The following HTR2B variants were observed in gnomAD, a reference collection of about 807,000 sequenced individuals.
HTR2B encodes 5-HT 2B receptor.
A neutral mutation model predicts 39.8 loss-of-function variants in HTR2B; 31 were observed. That is an observed-to-expected ratio of 0.78 (90% CI 0.58 to 1.05). HTR2B has a LOEUF of 1.05. Ranked by LOEUF, HTR2B falls within the 50% of genes least tolerant of loss-of-function variation. The pLI is 0.00. For synonymous variants in HTR2B, 210 were observed against 207.1 expected (o/e 1.01, Z -0.12); for missense variants, 562 against 578.0 (o/e 0.97, Z 0.28).
At chr2:231,114,573 A>C (rs975065218) in intron 2 of HTR2B, among the ~76,000 whole-genome samples, 4 of 152,188 alleles carry the variant, frequency 2.6e-5, no homozygotes, top group Admixed American at 6.5e-5. Context: ...TTCATCATTC[A>C]CTCCAAAAAC....
chr2:231,115,294 G>A (rs931566663), intron 2 of HTR2B, among the ~76,000 whole-genome samples: 1 of 152,032 alleles, frequency 6.6e-6, no homozygotes, highest in Admixed American at 6.6e-5. Context: ...TAGGATTTCA[G>A]TGAAAAATAT....
rs376620755 is a variant in HTR2B at position 231,108,751 on chromosome 2, T to G, written c.1212A>C (p.Ser404=). Reference sequence around the variant, plus strand: ...TGGAGCGTTTTCTGAGAGTTTTTACTGACTTTGTGGCCCGGTAATTGCAGG... The same window carrying G: ...TGGAGCGTTTTCTGAGAGTTTTTACGGACTTTGTGGCCCGGTAATTGCAGG... ...YITCNYRATK[S]VKTLRKRSSK... is the part of the protein sequence containing the mutation. Residue 404 remains serine, a synonymous_variant, in exon 4 of 4, where the codon TCA becomes TCC. Coordinates refer to ENST00000258400, the MANE Select transcript of HTR2B (RefSeq NM_000867.5). The G allele has an allele frequency of 1.1e-4, 178 of 1,614,060 alleles. No homozygotes were observed. The highest frequency in any genetic ancestry group is 1.5e-4 in the Non-Finnish European group (175 of 1,180,022).
At position 231,108,251 on chromosome 2, in the gene HTR2B, T is replaced by C; in HGVS notation, c.*266A>G. 2.9e-6 allele frequency: 1 copy of C among 344,278 alleles called. No homozygotes were observed. Among genetic ancestry groups the C allele is most frequent in the East Asian group, 5.8e-5 (1 of 17,354 alleles). 21.3% of individuals were successfully genotyped at this position (344,278 alleles called of 1,614,324 possible). A position where few individuals can be genotyped will look rare whatever the true frequency, so the allele number is the denominator to read the frequency against. On this transcript the variant is annotated 3_prime_UTR_variant, in exon 4 of 4. Transcript: ENST00000258400. ...GTGGTTCTTTTTAAAGCCTGAAATT[T>C]ATTGATTTGACTTTATTTCATTCGA...
At position 231,123,808 on chromosome 2, in the gene HTR2B, G is replaced by A; in HGVS notation, c.-44C>T. On this transcript the variant is annotated 5_prime_UTR_variant, in exon 2 of 4. Transcript: ENST00000258400. ...TCAATCCCGTTCCGAACAGTGGTCA[G>A]CATGGTTAGTAGCTAAGCTGCTCAT... 7.1e-7 allele frequency: 1 copy of A among 1,416,870 alleles called. No individual in the cohort carries two copies. The highest frequency in any genetic ancestry group is 1.0e-6 in the Non-Finnish European group (1 of 1,000,826). The allele number at this position is 1,416,870 out of a possible 1,614,324, so 87.8% of individuals were successfully genotyped here. A position where few individuals can be genotyped will look rare whatever the true frequency, so the allele number is the denominator to read the frequency against.
At chr2:231,117,903 A>C (rs1235125065) in intron 2 of HTR2B, among the ~76,000 whole-genome samples, 1 of 152,156 alleles carries the variant, frequency 6.6e-6, no homozygotes, top group African/African-American at 2.4e-5. Flanking sequence ...GAACAGTTAC[A>C]TGGGGTTATT....
Position 231,123,804 on chromosome 2 carries a change from G to C in HTR2B, c.-40C>G, listed in dbSNP as rs750697085. The C allele has an allele frequency of 2.1e-6, 3 of 1,443,502 alleles. No individual in the cohort carries two copies. The African/African-American group carries it at 4.2e-5, about 20-fold the overall frequency. 89.4% of individuals were successfully genotyped at this position (1,443,502 alleles called of 1,614,324 possible). A position where few individuals can be genotyped will look rare whatever the true frequency, so the allele number is the denominator to read the frequency against. On this transcript the variant is annotated 5_prime_UTR_variant, in exon 2 of 4. Transcript: ENST00000258400. The stretch of plus-strand genomic sequence containing the variant: ...TGATTCAATCCCGTTCCGAACAGTG[G>C]TCAGCATGGTTAGTAGCTAAGCTGC...
intron 2 of HTR2B, among the ~76,000 whole-genome samples, chr2:231,121,951 G>A (rs1695557963): frequency 6.6e-6 from 1 of 151,234 alleles, no homozygotes; most frequent in South Asian, 2.1e-4. Flanking sequence ...GGAGATGAGA[G>A]CTAGAATCAT....
chr2:231,117,636 A>G (rs940016230), intron 2 of HTR2B, among the ~76,000 whole-genome samples: 1 of 152,136 alleles, frequency 6.6e-6, no homozygotes, highest in African/African-American at 2.4e-5. Context: ...TCTGCCATGC[A>G]TGAGGGATGG....
At position 231,120,760 on chromosome 2, in the gene HTR2B, T is replaced by C. The variant is rs571664726; in HGVS notation, c.352+2653A>G. Among the ~76,000 whole-genome samples, 20 of 152,356 alleles carry C rather than the reference T, an allele frequency of 1.3e-4. 1 individual carries two copies. The South Asian group carries it at 4.1e-3, about 32-fold the overall frequency. On this transcript the variant is annotated intron_variant, in intron 2 of 3. Coordinates refer to ENST00000258400, the MANE Select transcript of HTR2B (RefSeq NM_000867.5). Reference sequence around the variant, plus strand: ...TTTCATTGAATTCCCCTGCGATAGCTAAAATTATTGCTCATAGTGATAGTT... The same window carrying C: ...TTTCATTGAATTCCCCTGCGATAGCCAAAATTATTGCTCATAGTGATAGTT...
intron 2 of HTR2B, among the ~76,000 whole-genome samples, chr2:231,117,151 G>A (rs1380832659): frequency 6.6e-6 from 1 of 151,898 alleles, no homozygotes; most frequent in African/African-American, 2.4e-5. Flanking sequence ...GTTTATTTCT[G>A]TTTAGAATAA....
At chr2:231,122,770 A>G (rs183311876) in intron 2 of HTR2B, among the ~76,000 whole-genome samples, 15 of 152,290 alleles carry the variant, frequency 9.8e-5, no homozygotes, top group Non-Finnish European at 2.1e-4. Context: ...CCTATCAGGA[A>G]CACAGATGCC....
intron 3 of HTR2B, among the ~76,000 whole-genome samples, chr2:231,111,412 A>G (rs1034345927): frequency 2.0e-5 from 3 of 152,144 alleles, no homozygotes; most frequent in African/African-American, 7.2e-5. Flanking sequence ...CAGTTTTTAC[A>G]TTCTGTTAAT....
In HTR2B at chr2:231,109,192, T is replaced by C. The variant is rs766497659; in HGVS notation, c.771A>G (p.Gln257=). ...TAGACACAGTCAACCATGTTAGGCG[T>C]TGAGGTGGCTTGTTTTTGACTAAGT... ...KAYLVKNKPP[Q]RLTWLTVSTV... is the part of the protein sequence containing the mutation. Residue 257 remains glutamine, a synonymous_variant, in exon 4 of 4, where the codon CAA becomes CAG. Transcript: ENST00000258400. The C allele has an allele frequency of 3.7e-6, 6 of 1,614,136 alleles. No individual in the cohort carries two copies. The highest frequency in any genetic ancestry group is 2.5e-6 in the Non-Finnish European group (3 of 1,180,016).
Position 231,109,124 on chromosome 2 carries a change from T to G in HTR2B, c.839A>C (p.Lys280Thr), listed in dbSNP as rs61731724. 1,555 of 1,613,960 alleles carry G rather than the reference T, an allele frequency of 9.6e-4. 12 individuals are homozygous for G. In the African/African-American group the frequency reaches 0.018, roughly 18 times the overall value. ...RDETPCSSPE[K>T]VAMLDGSRKD... ...TCGAGAACCATCCAGCATTGCCACC[T>G]TTTCCGGTGACGAGCAAGGTGTTTC... The change falls in exon 4 of 4, where the codon AAG becomes ACG. Residue 280 changes from lysine to threonine, a missense_variant. Lys to Thr is a moderately conservative substitution (Grantham distance 78). Coordinates refer to ENST00000258400, the MANE Select transcript of HTR2B (RefSeq NM_000867.5).
At chr2:231,122,079 C>T (rs1331252699) in intron 2 of HTR2B, among the ~76,000 whole-genome samples, 1 of 152,008 alleles carries the variant, frequency 6.6e-6, no homozygotes, top group Non-Finnish European at 1.5e-5. Context: ...AATTATTTTT[C>T]ATGGTTTCAT....
Position 231,108,516 on chromosome 2 carries a change from G to A in HTR2B, c.*1C>T, listed in dbSNP as rs757820433. 159 of 1,610,580 alleles carry A rather than the reference G, an allele frequency of 9.9e-5. 3 individuals are homozygous for A. The South Asian group carries it at 1.5e-3, about 16-fold the overall frequency. ...ATGTTTGATGACAACTGCCAGTTCTGCTATACATAACTAACTTGCTCTTCA... is the reference window on the plus strand; with the variant it reads ...ATGTTTGATGACAACTGCCAGTTCTACTATACATAACTAACTTGCTCTTCA... On this transcript the variant is annotated 3_prime_UTR_variant, in exon 4 of 4. Coordinates refer to ENST00000258400, the MANE Select transcript of HTR2B (RefSeq NM_000867.5).
chr2:231,123,740 C>T lies in HTR2B; in HGVS notation c.25G>A (p.Glu9Lys). The change falls in exon 2 of 4, where the codon GAA (glutamate) becomes AAA (lysine). Residue 9 changes from glutamate (E) to lysine (K), a missense_variant. By Grantham distance (56) the Glu-to-Lys change is moderately conservative. Transcript: ENST00000258400. ...TGCTCAGGAATTGTGCTTTGAAGTT[C>T]AGACACTCTGTAAGAGAGAGCCATT... MALSYRVS[E>K]LQSTIPEHIL... 1.9e-6 allele frequency: 3 copies of T among 1,613,896 alleles called. No individual in the cohort carries two copies. Among genetic ancestry groups the T allele is most frequent in the Non-Finnish European group, 2.5e-6 (3 of 1,179,796 alleles).
intron 2 of HTR2B, among the ~76,000 whole-genome samples, chr2:231,117,866 A>AG (rs1356972550): frequency 1.1e-4 from 17 of 152,156 alleles, no homozygotes; most frequent in South Asian, 2.1e-4. Context: ...ACTTGTCCCT[A>AG]GGGGGGAAAA....
chr2:231,112,913 C>A (rs893984931), intron 3 of HTR2B, among the ~76,000 whole-genome samples: 5 of 152,040 alleles, frequency 3.3e-5, no homozygotes, highest in African/African-American at 1.2e-4. Context: ...GCCTGTAATC[C>A]CAGCACTTTG....
Sources: allele counts gnomAD v4.1 joint callset (sites outside exome capture counted in the v4.1 genomes callset), GRCh38; gene constraint gnomAD v4.1.1; transcripts MANE v1.5; gene names NCBI Gene and HGNC (gene_info 2026-07-23, HGNC 2026-07-21).